Variants in CTNNA3 observed in about 807,000 individuals in gnomAD.
CTNNA3 encodes the protein catenin alpha-3.
CTNNA3 carries 76 observed loss-of-function variants against 95.7 expected under a neutral mutation model. That is an observed-to-expected ratio of 0.79 (90% CI 0.66 to 0.96). CTNNA3 has a LOEUF of 0.96. Among genes scored for constraint, CTNNA3 ranks in the 40% least tolerant of loss-of-function variants. The pLI is 0.00. For synonymous variants in CTNNA3, 431 were observed against 374.4 expected (o/e 1.15, Z -1.74); for missense variants, 1,191 against 1,089.8 (o/e 1.09, Z -1.31).
At chr10:66,516,145 C>A (rs1840850153) in intron 11 of CTNNA3, among the ~76,000 whole-genome samples, 1 of 148,620 alleles carries the variant, frequency 6.7e-6, no homozygotes, top group Middle Eastern at 3.6e-3. Context: ...CAAAAAAGAT[C>A]TAGAGGGCCA....
At chr10:66,680,943 T>C (rs1445902035) in intron 9 of CTNNA3, among the ~76,000 whole-genome samples, 1 of 152,136 alleles carries the variant, frequency 6.6e-6, no homozygotes, top group African/African-American at 2.4e-5. Flanking sequence ...TTTTTTCTTA[T>C]CTCTACTCTT....
intron 10 of CTNNA3, among the ~76,000 whole-genome samples, chr10:66,525,878 C>A (rs1200429709): frequency 1.3e-5 from 2 of 152,078 alleles, no homozygotes; most frequent in East Asian, 1.9e-4. Context: ...ATTCTAGATA[C>A]TTCGTATAAG....
chr10:67,567,548 T>G (rs570587300), intron 3 of CTNNA3, among the ~76,000 whole-genome samples: 12 of 152,254 alleles, frequency 7.9e-5, no homozygotes, highest in Middle Eastern at 3.4e-3. Flanking sequence ...ATGTAATCTA[T>G]GCAAGTAATA....
chr10:67,387,150 G>A (rs1426994643), intron 5 of CTNNA3, among the ~76,000 whole-genome samples: 14 of 152,150 alleles, frequency 9.2e-5, no homozygotes, highest in Non-Finnish European at 1.6e-4. Context: ...GAGGTACCAG[G>A]TTCATCTCAC....
At chr10:66,177,384 A>G (rs1266922818) in intron 13 of CTNNA3, among the ~76,000 whole-genome samples, 1 of 152,066 alleles carries the variant, frequency 6.6e-6, no homozygotes, top group African/African-American at 2.4e-5. Context: ...GTAGAAACAT[A>G]CATCTAAATG....
chr10:67,568,133 T>A (rs1328589886), intron 3 of CTNNA3, among the ~76,000 whole-genome samples: 1 of 152,092 alleles, frequency 6.6e-6, no homozygotes, highest in Admixed American at 6.6e-5. Flanking sequence ...ATACCTCATG[T>A]GCATAACATA....
At chr10:66,848,836 T>C (rs1399688725) in intron 7 of CTNNA3, among the ~76,000 whole-genome samples, 1 of 152,176 alleles carries the variant, frequency 6.6e-6, no homozygotes, top group Non-Finnish European at 1.5e-5. Context: ...AACCACCAAA[T>C]GTAACTATAA....
At chr10:66,654,484 A>C (rs2132423916) in intron 9 of CTNNA3, among the ~76,000 whole-genome samples, 1 of 152,176 alleles carries the variant, frequency 6.6e-6, no homozygotes, top group Non-Finnish European at 1.5e-5. Flanking sequence ...AGGAAAGGGA[A>C]CTCTTGTACA....
chr10:66,268,827 C>T (rs555065114), intron 13 of CTNNA3, among the ~76,000 whole-genome samples: 2 of 152,256 alleles, frequency 1.3e-5, no homozygotes, highest in East Asian at 3.9e-4. Flanking sequence ...CAATTATCTA[C>T]TCTCTCTCCC....
chr10:66,634,572 GGTGT>G (rs59187647), intron 9 of CTNNA3, among the ~76,000 whole-genome samples: 107 of 146,140 alleles, frequency 7.3e-4, no homozygotes, highest in Non-Finnish European at 8.7e-4. Context: ...CTCTGTGCAT[GGTGT>G]GTGTGTGTGT....
intron 15 of CTNNA3, among the ~76,000 whole-genome samples, chr10:66,044,042 C>G (rs1049222170): frequency 7.3e-5 from 11 of 151,644 alleles, no homozygotes; most frequent in African/African-American, 2.4e-4. Context: ...GTCACCCAAG[C>G]TAGAGTGCAG....
intron 7 of CTNNA3, among the ~76,000 whole-genome samples, chr10:67,149,267 A>G (rs1291660569): frequency 6.6e-6 from 1 of 152,142 alleles, no homozygotes; most frequent in Admixed American, 6.5e-5. Context: ...TTCTTCAACT[A>G]TAAGTAAGGG....
chr10:67,550,172 T>C (rs1297429713), intron 3 of CTNNA3, among the ~76,000 whole-genome samples: 1 of 152,180 alleles, frequency 6.6e-6, no homozygotes, highest in Non-Finnish European at 1.5e-5. Context: ...GTTTATCCCT[T>C]AAAAGAATAA....
chr10:67,430,513 G>T (rs944433323), intron 5 of CTNNA3, among the ~76,000 whole-genome samples: 1 of 151,856 alleles, frequency 6.6e-6, no homozygotes. Flanking sequence ...AGAAGGAAAT[G>T]ATATATTTAA....
intron 5 of CTNNA3, among the ~76,000 whole-genome samples, chr10:67,454,478 G>A (rs1271044034): frequency 6.6e-6 from 1 of 152,044 alleles, no homozygotes; most frequent in Non-Finnish European, 1.5e-5. Flanking sequence ...ATATGCAAAC[G>A]TCTATTTCGA....
chr10:66,362,124 G>C (rs1460878081), intron 12 of CTNNA3, among the ~76,000 whole-genome samples: 1 of 106,406 alleles, frequency 9.4e-6, no homozygotes, highest in East Asian at 2.9e-4. Flanking sequence ...TTTTTTTTGA[G>C]ACGGAGTCTT....
At chr10:67,043,152 T>C (rs1431083415) in intron 7 of CTNNA3, among the ~76,000 whole-genome samples, 1 of 133,624 alleles carries the variant, frequency 7.5e-6, no homozygotes, top group Non-Finnish European at 1.6e-5. Flanking sequence ...TTTTTTTTTT[T>C]CTGTGCAATA....
At chr10:67,754,708 C>T (rs1366188749) in intron 1 of CTNNA3, among the ~76,000 whole-genome samples, 1 of 152,142 alleles carries the variant, frequency 6.6e-6, no homozygotes, top group Admixed American at 6.6e-5. Context: ...AGATAAAAGT[C>T]TTCTGTACAG....
chr10:67,752,335 G>A (rs1206467632), intron 1 of CTNNA3, among the ~76,000 whole-genome samples: 1 of 152,042 alleles, frequency 6.6e-6, no homozygotes, highest in East Asian at 1.9e-4. Flanking sequence ...AAAATATTAA[G>A]AGCCATTCCT....
Sources: allele counts gnomAD v4.1 joint callset (sites outside exome capture counted in the v4.1 genomes callset), GRCh38; gene constraint gnomAD v4.1.1; transcripts MANE v1.5; gene names NCBI Gene and HGNC (gene_info 2026-07-23, HGNC 2026-07-21).